DCC: variants seen among roughly 807,000 people sequenced by gnomAD.
DCC encodes DCC netrin 1 receptor.
In DCC, 58 loss-of-function variants were observed where a neutral mutation model predicts 172.5. The ratio of observed to expected loss-of-function variants is 0.34; its 90% CI spans 0.27 to 0.42. The LOEUF is 0.42. Among genes scored for constraint, DCC ranks in the 10% least tolerant of loss-of-function variants. The pLI is 1.00. For synonymous variants in DCC, 709 were observed against 644.5 expected, an observed-to-expected ratio of 1.10 and a Z score of -1.52; for missense variants, 1,740 against 1,791.0, an observed-to-expected ratio of 0.97 and a Z score of 0.51.
intron 2 of DCC, among the ~76,000 whole-genome samples, chr18:52,873,305 G>C (rs117442428): frequency 0.044 from 6,644 of 152,152 alleles, 183 homozygotes; most frequent in Middle Eastern, 0.065. Flanking sequence ...TCTTTCATCC[G>C]GCAAAGAGCT....
chr18:53,119,628 G>T (rs1445948437), intron 7 of DCC, among the ~76,000 whole-genome samples: 1 of 151,872 alleles, frequency 6.6e-6, no homozygotes, highest in Admixed American at 6.6e-5. Context: ...ATGTGATAAA[G>T]CTATTTTCAT....
intron 2 of DCC, among the ~76,000 whole-genome samples, chr18:52,876,501 G>A (rs898142573): frequency 2.0e-5 from 3 of 152,244 alleles, no homozygotes; most frequent in Middle Eastern, 6.8e-3. Flanking sequence ...ATTTACATTG[G>A]ATGTCACAGT....
chr18:53,055,951 A>G (rs988117881), intron 5 of DCC, among the ~76,000 whole-genome samples: 4 of 152,116 alleles, frequency 2.6e-5, no homozygotes, highest in African/African-American at 9.6e-5. Context: ...TGCATTTCTC[A>G]TCTCACACTT....
chr18:52,638,374 G>A (rs149192411), intron 1 of DCC, among the ~76,000 whole-genome samples: 3,061 of 152,122 alleles, frequency 0.02, 50 homozygotes, highest in Non-Finnish European at 0.029. Flanking sequence ...TGGCTTAAAT[G>A]CTCCACTTAA....
rs555538668 is a variant in DCC, at chr18:52,956,159, C to T, written c.985+30789C>T. Among the ~76,000 whole-genome samples the T allele has an allele frequency of 3.3e-5, 5 of 152,028 alleles. No individual in the cohort carries two copies. The East Asian group carries it at 9.7e-4, about 30-fold the overall frequency. Reference sequence around the variant, plus strand: ...AAAAAACCTAAGTCATTTAGGTTTTCTCCTGTGTTATCTTCCAGGAGTTTT... The same window carrying T: ...AAAAAACCTAAGTCATTTAGGTTTTTTCCTGTGTTATCTTCCAGGAGTTTT... On this transcript the variant is annotated intron_variant, in intron 5 of 28. Coordinates refer to ENST00000442544, the MANE Select transcript of DCC (RefSeq NM_005215.4).
intron 1 of DCC, among the ~76,000 whole-genome samples, chr18:52,591,405 A>G (rs1390092478): frequency 6.6e-6 from 1 of 152,188 alleles, no homozygotes; most frequent in Admixed American, 6.5e-5. Flanking sequence ...CATTATTAAC[A>G]TTGTTCCCAA....
At chr18:52,900,871 T>C (rs1266165385) in intron 2 of DCC, among the ~76,000 whole-genome samples, 1 of 152,210 alleles carries the variant, frequency 6.6e-6, no homozygotes, top group Non-Finnish European at 1.5e-5. Flanking sequence ...AGGCTAACAA[T>C]GTAAGCCCTG....
At chr18:52,618,938 CT>C (rs1376815617) in intron 1 of DCC, among the ~76,000 whole-genome samples, 3 of 152,126 alleles carry the variant, frequency 2.0e-5, no homozygotes, top group Admixed American at 1.3e-4. Flanking sequence ...TACATTTCAT[CT>C]TTTTATTTTT....
intron 13 of DCC, among the ~76,000 whole-genome samples, chr18:53,317,017 CT>C (rs1454609781): frequency 2.0e-5 from 3 of 152,210 alleles, no homozygotes; most frequent in Non-Finnish European, 4.4e-5. Flanking sequence ...GCATCCTTGT[CT>C]TGTGCCGGCT....
At chr18:52,728,609 T>G (rs1303690535) in intron 1 of DCC, among the ~76,000 whole-genome samples, 3 of 152,220 alleles carry the variant, frequency 2.0e-5, no homozygotes, top group African/African-American at 7.2e-5. Context: ...GGGAACATAC[T>G]GTGGTGTATT....
At chr18:53,282,159 T>A (rs1422880393) in intron 12 of DCC, among the ~76,000 whole-genome samples, 1 of 152,178 alleles carries the variant, frequency 6.6e-6, no homozygotes, top group East Asian at 1.9e-4. Flanking sequence ...CTGATAGATT[T>A]TTCTTTTGTT....
At chr18:53,514,570 AAAG>A (rs1328122790) in intron 27 of DCC, among the ~76,000 whole-genome samples, 2 of 152,254 alleles carry the variant, frequency 1.3e-5, no homozygotes, top group Non-Finnish European at 2.9e-5. Context: ...ATAAAGAAAA[AAAG>A]AGAGAAGAAT....
chr18:52,410,361 G>A (rs1986802872), intron 1 of DCC, among the ~76,000 whole-genome samples: 1 of 152,134 alleles, frequency 6.6e-6, no homozygotes, highest in South Asian at 2.1e-4. Flanking sequence ...GAGCCCAGGA[G>A]TTTGAGGTCA....
chr18:53,057,384 T>C (rs1208656882), intron 5 of DCC, among the ~76,000 whole-genome samples: 2 of 152,142 alleles, frequency 1.3e-5, no homozygotes, highest in Non-Finnish European at 2.9e-5. Context: ...TATTATACCT[T>C]TCTAAATATG....
At chr18:53,489,243 T>C (rs1437552568) in intron 26 of DCC, among the ~76,000 whole-genome samples, 1 of 152,194 alleles carries the variant, frequency 6.6e-6, no homozygotes, top group Non-Finnish European at 1.5e-5. Flanking sequence ...ATTTTACAGA[T>C]TTTTAAAATA....
At position 52,417,660 on chromosome 18, in the gene DCC, G is replaced by A. The variant is rs559135125; in HGVS notation, c.91+76782G>A. On this transcript the variant is annotated intron_variant, in intron 1 of 28. Transcript: ENST00000442544. ...CTGATACCCTTTCTTCCAGTTGATT[G>A]CATCGGCTCCTGAGGCTTCTGCATT... Among the ~76,000 whole-genome samples, 862 of 152,172 alleles carry A rather than the reference G, an allele frequency of 5.7e-3. 10 individuals are homozygous for A. The highest frequency in any genetic ancestry group is 0.02 in the African/African-American group (833 of 41,502).
intron 1 of DCC, among the ~76,000 whole-genome samples, chr18:52,707,337 C>A (rs986245128): frequency 2.0e-5 from 3 of 152,046 alleles, no homozygotes; most frequent in Admixed American, 6.6e-5. Context: ...TTCATTATAC[C>A]TTTCTAAGTT....
At chr18:52,783,372 G>A (rs1217780971) in intron 2 of DCC, among the ~76,000 whole-genome samples, 1 of 84,972 alleles carries the variant, frequency 1.2e-5, no homozygotes, top group South Asian at 4.2e-4. Flanking sequence ...ACAACACAAA[G>A]GTTGAAGTAC....
intron 2 of DCC, among the ~76,000 whole-genome samples, chr18:52,864,636 TCAA>T (rs141864413): frequency 0.05 from 7,627 of 152,130 alleles, 255 homozygotes; most frequent in South Asian, 0.14. Context: ...CATCAACCTA[TCAA>T]CAACAACTAC....
Sources: allele counts gnomAD v4.1 joint callset (sites outside exome capture counted in the v4.1 genomes callset), GRCh38; gene constraint gnomAD v4.1.1; transcripts MANE v1.5; gene names NCBI Gene and HGNC (gene_info 2026-07-23, HGNC 2026-07-21).